The following GLIS3 variants were observed in gnomAD, a reference collection of about 807,000 sequenced individuals.
GLIS3 encodes GLIS family zinc finger 3.
In GLIS3, 53 loss-of-function variants were observed where a neutral mutation model predicts 78.6. The ratio of observed to expected loss-of-function variants is 0.67; its 90% CI spans 0.54 to 0.85. The LOEUF (loss-of-function observed/expected upper bound fraction) is 0.85. Among genes scored for constraint, GLIS3 ranks in the 40% least tolerant of loss-of-function variants. The pLI is 0.00. For synonymous variants in GLIS3, 684 were observed against 509.9 expected, an observed-to-expected ratio of 1.34 and a Z score of -4.60; for missense variants, 1,703 against 1,231.1, an observed-to-expected ratio of 1.38 and a Z score of -5.74.
At chr9:4,271,822 A>AC (rs1466510714) in intron 2 of GLIS3, among the ~76,000 whole-genome samples, 8 of 152,180 alleles carry the variant, frequency 5.3e-5, no homozygotes, top group Non-Finnish European at 1.0e-4. Flanking sequence ...TCCCAACAGT[A>AC]CATAGTAAGA....
intron 6 of GLIS3, among the ~76,000 whole-genome samples, chr9:3,915,151 C>G (rs1026764826): frequency 4.6e-5 from 7 of 152,142 alleles, no homozygotes; most frequent in African/African-American, 1.7e-4. Flanking sequence ...TCTCCTAGAG[C>G]CTTCCTATAG....
chr9:4,481,515 A>AGTGT, the GLIS3 span, among the ~76,000 whole-genome samples: 14,381 of 147,488 alleles, frequency 0.098, 719 homozygotes, highest in East Asian at 0.18. Context: ...TAAAAACATA[A>AGTGT]GTGTGTGTGT....
intron 9 of GLIS3, among the ~76,000 whole-genome samples, chr9:3,844,623 CT>C (rs1818926458): frequency 6.6e-6 from 1 of 152,238 alleles, no homozygotes; most frequent in East Asian, 1.9e-4. Flanking sequence ...AGGGATTTTT[CT>C]GGATATTTCT....
intron 9 of GLIS3, among the ~76,000 whole-genome samples, chr9:3,834,542 G>C (rs1818234888): frequency 6.6e-6 from 1 of 152,072 alleles, no homozygotes; most frequent in African/African-American, 2.4e-5. Flanking sequence ...CACAGCTCTA[G>C]GGCAATCTGA....
At chr9:4,488,517 T>G in the GLIS3 span, among the ~76,000 whole-genome samples, 1 of 123,906 alleles carries the variant, frequency 8.1e-6, no homozygotes. Flanking sequence ...TCGCGCACGC[T>G]CTCTCTCTTT....
intron 2 of GLIS3, among the ~76,000 whole-genome samples, chr9:4,169,442 A>G (rs1816173371): frequency 6.6e-6 from 1 of 152,218 alleles, no homozygotes; most frequent in African/African-American, 2.4e-5. Flanking sequence ...GAGTTGGAAG[A>G]TCTGGGTGCC....
intron 2 of GLIS3, among the ~76,000 whole-genome samples, chr9:4,259,043 T>G (rs1825251839): frequency 6.6e-6 from 1 of 152,164 alleles, no homozygotes; most frequent in Non-Finnish European, 1.5e-5. Flanking sequence ...TCCTGCCTGC[T>G]GCTGCCTCCC....
At chr9:4,467,908 G>A in the GLIS3 span, among the ~76,000 whole-genome samples, 1 of 152,150 alleles carries the variant, frequency 6.6e-6, no homozygotes, top group Admixed American at 6.5e-5. Flanking sequence ...TTAGACGAAT[G>A]GCTAACTAGA....
the GLIS3 span, among the ~76,000 whole-genome samples, chr9:4,489,701 G>C: frequency 3.3e-5 from 5 of 152,154 alleles, no homozygotes; most frequent in Admixed American, 6.5e-5. Flanking sequence ...TCCCCAGAGC[G>C]GCTCCCGGGT....
the GLIS3 span, among the ~76,000 whole-genome samples, chr9:4,405,302 C>A: frequency 6.7e-6 from 1 of 150,024 alleles, no homozygotes; most frequent in African/African-American, 2.5e-5. Context: ...TGTGGGGAGT[C>A]GAGATCGTGC....
At chr9:4,290,320 C>G (rs1421571832) in intron 1 of GLIS3, among the ~76,000 whole-genome samples, 5 of 152,144 alleles carry the variant, frequency 3.3e-5, no homozygotes, top group South Asian at 4.1e-4. Flanking sequence ...TACTGGCCAG[C>G]AAACAAACTG....
At chr9:4,436,980 C>A in the GLIS3 span, among the ~76,000 whole-genome samples, 1 of 151,976 alleles carries the variant, frequency 6.6e-6, no homozygotes, top group African/African-American at 2.4e-5. Context: ...GCAACTAAAT[C>A]CACATAATAA....
At chr9:4,442,039 T>G in the GLIS3 span, among the ~76,000 whole-genome samples, 1 of 152,230 alleles carries the variant, frequency 6.6e-6, no homozygotes, top group Admixed American at 6.5e-5. Context: ...TTAGTCCTTC[T>G]TTAAACGTTT....
intron 1 of GLIS3, 129 bp downstream of exon 1, chr9:4,299,292 C>A (rs578044894): frequency 6.6e-6 from 1 of 152,204 alleles, no homozygotes; most frequent in Non-Finnish European, 1.5e-5. Context: ...CGAACGCCAC[C>A]GGCTCAGCGT....
intron 2 of GLIS3, among the ~76,000 whole-genome samples, chr9:4,243,779 G>C (rs1299750246): frequency 6.6e-6 from 1 of 152,134 alleles, no homozygotes; most frequent in Non-Finnish European, 1.5e-5. Context: ...GTTGAAGGTG[G>C]GAGGCTAAAC....
chr9:4,072,107 A>T (rs993487085), intron 4 of GLIS3, among the ~76,000 whole-genome samples: 2 of 152,204 alleles, frequency 1.3e-5, no homozygotes, highest in Non-Finnish European at 2.9e-5. Flanking sequence ...ATGTCTTCTT[A>T]AATCATGAAA....
chr9:4,286,327 G>A lies in GLIS3; in HGVS notation c.99C>T (p.Ala33=). 6.2e-7 allele frequency: 1 copy of A among 1,614,200 alleles called. No homozygotes were observed. Among genetic ancestry groups the A allele is most frequent in the Non-Finnish European group, 8.5e-7 (1 of 1,180,022 alleles). ...GCGAGGGGCCAGGAGTCCCGGAGTG[G>A]GCTCGGATGGCAGGAATGTGATGAC... ...VSGHHIPAIR[A]HSGTPGPSPC... is the part of the protein sequence containing the mutation. Residue 33 remains alanine, a synonymous_variant, in exon 2 of 11, where the codon GCC becomes GCT. Transcript: ENST00000381971.
At chr9:3,933,593 C>G (rs1427365708) in intron 5 of GLIS3, among the ~76,000 whole-genome samples, 1 of 152,156 alleles carries the variant, frequency 6.6e-6, no homozygotes, top group South Asian at 2.1e-4. Context: ...CTTAGTGTCT[C>G]ATCAAGTAAG....
the GLIS3 span, among the ~76,000 whole-genome samples, chr9:4,417,947 T>C: frequency 6.6e-6 from 1 of 152,232 alleles, no homozygotes; most frequent in African/African-American, 2.4e-5. Context: ...ATTGATATTT[T>C]CAATGTGACA....
Sources: gnomAD v4.1 joint callset for allele counts (sites outside exome capture counted in the v4.1 genomes callset) on GRCh38, gnomAD v4.1.1 for gene constraint, MANE v1.5 for transcripts, NCBI Gene and HGNC (gene_info 2026-07-23, HGNC 2026-07-21) for gene names.